PPP2R2B: variants seen among roughly 807,000 people sequenced by gnomAD.
PPP2R2B encodes serine/threonine-protein phosphatase 2A 55 kDa regulatory subunit B beta isoform.
PPP2R2B carries 5 observed loss-of-function variants against 46.0 expected under a neutral mutation model. That is an observed-to-expected ratio of 0.11 (90% CI 0.06 to 0.23). The LOEUF (loss-of-function observed/expected upper bound fraction) is 0.23. PPP2R2B is among the 10% of genes least tolerant of loss of function. The probability of loss-of-function intolerance (pLI) is 1.00; values close to 1 mark genes in which losing one functional copy is unlikely to be tolerated. For missense variants in PPP2R2B, 367 were observed against 575.0 expected (o/e 0.64, Z 3.70); for synonymous variants, 215 against 206.7 (o/e 1.04, Z -0.34).
At chr5:146,753,335 T>C (rs1442013946) in intron 2 of PPP2R2B, among the ~76,000 whole-genome samples, 1 of 152,158 alleles carries the variant, frequency 6.6e-6, no homozygotes, top group Non-Finnish European at 1.5e-5. Flanking sequence ...GGGTATAATG[T>C]GAATACTCTC....
intron 2 of PPP2R2B, among the ~76,000 whole-genome samples, chr5:146,830,133 T>C (rs986277708): frequency 6.6e-6 from 1 of 152,218 alleles, no homozygotes; most frequent in African/African-American, 2.4e-5. Context: ...TTTTACTTCA[T>C]TACTGCTATA....
chr5:146,651,357 A>C (rs996019603), intron 5 of PPP2R2B, among the ~76,000 whole-genome samples: 1 of 152,234 alleles, frequency 6.6e-6, no homozygotes. Context: ...CCACTTTTAC[A>C]TGCAAAACTG....
intron 2 of PPP2R2B, among the ~76,000 whole-genome samples, chr5:146,800,052 C>T (rs547284519): frequency 1.1e-4 from 17 of 151,846 alleles, no homozygotes; most frequent in Admixed American, 4.6e-4. Flanking sequence ...AAACCTAAGA[C>T]GATAATCATA....
At chr5:146,776,688 A>T (rs568722114) in intron 2 of PPP2R2B, among the ~76,000 whole-genome samples, 19 of 152,204 alleles carry the variant, frequency 1.2e-4, no homozygotes, top group African/African-American at 4.1e-4. Context: ...ATCAAAAGAC[A>T]CTATCAAGAG....
chr5:146,591,267 T>G (rs1488949075), intron 9 of PPP2R2B, among the ~76,000 whole-genome samples: 1 of 152,150 alleles, frequency 6.6e-6, no homozygotes, highest in Non-Finnish European at 1.5e-5. Context: ...AGGAAAAAGC[T>G]GACAAGATTG....
At chr5:146,888,770 A>G (rs1582365726) in intron 1 of PPP2R2B, among the ~76,000 whole-genome samples, 1 of 152,178 alleles carries the variant, frequency 6.6e-6, no homozygotes, top group African/African-American at 2.4e-5. Context: ...ACAGGAAGAC[A>G]GGAGAACACT....
rs1208238387 is a variant in PPP2R2B at position 146,587,200 on chromosome 5, G to T, written c.*2747C>A. On this transcript the variant is annotated 3_prime_UTR_variant, in exon 10 of 10. Coordinates refer to ENST00000394411, the MANE Select transcript of PPP2R2B (RefSeq NM_181675.4). ...AACTAAGAAATATTGCCAGTACTGG[G>T]GCTGAAAGATCACACATGTAAAATA... The T allele has an allele frequency of 6.6e-6, 1 of 152,186 alleles. No individual in the cohort carries two copies. Among genetic ancestry groups the T allele is most frequent in the Non-Finnish European group, 1.5e-5 (1 of 68,054 alleles). The allele number at this position is 152,186 out of a possible 1,614,324, so 9.4% of individuals were successfully genotyped here.
At position 146,847,166 on chromosome 5, in the gene PPP2R2B, T is replaced by C. The variant is rs190105683; in HGVS notation, c.70+30836A>G. Among the ~76,000 whole-genome samples the C allele has an allele frequency of 2.6e-3, 400 of 152,354 alleles. 1 individual carries two copies. Among genetic ancestry groups the C allele is most frequent in the African/African-American group, 9.1e-3 (379 of 41,590 alleles). ...AACTTCCTAACTGGTCTTCTACCTC[T>C]ATCTCATTGTTTTCCAACAATAGAC... On this transcript the variant is annotated intron_variant, in intron 2 of 9. Coordinates refer to ENST00000394411, the MANE Select transcript of PPP2R2B (RefSeq NM_181675.4).
intron 2 of PPP2R2B, among the ~76,000 whole-genome samples, chr5:146,800,261 A>G (rs1376484276): frequency 6.6e-6 from 1 of 152,134 alleles, no homozygotes; most frequent in East Asian, 1.9e-4. Flanking sequence ...CTGATTACCT[A>G]TCTATGGATC....
At chr5:146,697,238 C>T (rs1345858710) in intron 4 of PPP2R2B, among the ~76,000 whole-genome samples, 2 of 152,146 alleles carry the variant, frequency 1.3e-5, no homozygotes, top group African/African-American at 2.4e-5. Context: ...TCAATTAGCA[C>T]CCTTTAACAT....
chr5:146,933,838 C>G (rs1025594088), intron 1 of PPP2R2B, among the ~76,000 whole-genome samples: 1 of 126,900 alleles, frequency 7.9e-6, no homozygotes, highest in African/African-American at 3.0e-5. Context: ...CCCCTCCCCC[C>G]ACCCCACAAC....
At chr5:146,615,514 T>TA (rs1561772287) in intron 7 of PPP2R2B, among the ~76,000 whole-genome samples, 4 of 83,250 alleles carry the variant, frequency 4.8e-5, no homozygotes, top group African/African-American at 1.9e-4. Flanking sequence ...AAAAAAAAAA[T>TA]TAAAAAAAAA....
At chr5:146,655,244 G>A (rs557785069) in intron 5 of PPP2R2B, among the ~76,000 whole-genome samples, 5 of 152,272 alleles carry the variant, frequency 3.3e-5, no homozygotes, top group South Asian at 2.1e-4. Flanking sequence ...AATATCAACC[G>A]AATAATGTCC....
chr5:146,694,109 T>G (rs1356721340), intron 4 of PPP2R2B, among the ~76,000 whole-genome samples: 1 of 152,192 alleles, frequency 6.6e-6, no homozygotes, highest in African/African-American at 2.4e-5. Context: ...TGCCTTGTTC[T>G]TGGAGGTCTT....
chr5:146,944,946 G>T (rs1764432516), intron 1 of PPP2R2B, among the ~76,000 whole-genome samples: 1 of 152,114 alleles, frequency 6.6e-6, no homozygotes, highest in African/African-American at 2.4e-5. Context: ...AACCAAAGAT[G>T]CCCTCTTGTA....
intron 7 of PPP2R2B, among the ~76,000 whole-genome samples, chr5:146,618,607 A>G (rs1399373726): frequency 6.6e-6 from 1 of 152,118 alleles, no homozygotes; most frequent in Non-Finnish European, 1.5e-5. Context: ...ATTTCCCTGC[A>G]CCCCAGGGCC....
chr5:146,798,936 C>A (rs988352814), intron 2 of PPP2R2B, among the ~76,000 whole-genome samples: 1 of 152,170 alleles, frequency 6.6e-6, no homozygotes, highest in Non-Finnish European at 1.5e-5. Flanking sequence ...TTAAAGGGAT[C>A]TAGTCAGGCT....
upstream of PPP2R2B, among the ~76,000 whole-genome samples, chr5:147,060,461 T>TA (rs1757223583): frequency 6.6e-6 from 1 of 151,928 alleles, no homozygotes; most frequent in Non-Finnish European, 1.5e-5. Flanking sequence ...TACCCACCTC[T>TA]AAAAAATATA....
At chr5:146,635,720 C>A (rs1486174479) in intron 7 of PPP2R2B, among the ~76,000 whole-genome samples, 1 of 152,246 alleles carries the variant, frequency 6.6e-6, no homozygotes, top group Non-Finnish European at 1.5e-5. Flanking sequence ...ACCCTTCACT[C>A]TCTGGGAGAG....
Sources: gnomAD v4.1 joint callset for allele counts (sites outside exome capture counted in the v4.1 genomes callset) on GRCh38, gnomAD v4.1.1 for gene constraint, MANE v1.5 for transcripts, NCBI Gene and HGNC (gene_info 2026-07-23, HGNC 2026-07-21) for gene names.